Variants in LGR4 observed in about 807,000 individuals in gnomAD.
The protein encoded by LGR4 is leucine rich repeat containing G protein-coupled receptor 4.
LGR4 carries 44 observed loss-of-function variants against 84.8 expected under a neutral mutation model. That is an observed-to-expected ratio of 0.52 (90% CI 0.41 to 0.67). The LOEUF is 0.67. LGR4 is among the 30% of genes least tolerant of loss of function. The probability of loss-of-function intolerance (pLI) is 0.00; values close to 1 mark genes in which losing one functional copy is unlikely to be tolerated. For synonymous variants in LGR4, 429 were observed against 434.3 expected, an observed-to-expected ratio of 0.99 and a Z score of 0.15; for missense variants, 1,032 against 1,131.4, an observed-to-expected ratio of 0.91 and a Z score of 1.26.
At chr11:27,409,641 A>ATT (rs1863673488) in intron 2 of LGR4, among the ~76,000 whole-genome samples, 1 of 152,104 alleles carries the variant, frequency 6.6e-6, no homozygotes, top group Non-Finnish European at 1.5e-5. Context: ...ATGACCCTTC[A>ATT]TTATCTGGCC....
At chr11:27,426,144 A>G (rs1278280890) in intron 1 of LGR4, among the ~76,000 whole-genome samples, 1 of 152,248 alleles carries the variant, frequency 6.6e-6, no homozygotes, top group Non-Finnish European at 1.5e-5. Flanking sequence ...GCGGAAAGAA[A>G]GGGAAGACAT....
intron 1 of LGR4, among the ~76,000 whole-genome samples, chr11:27,432,806 G>A (rs979329314): frequency 2.0e-5 from 3 of 151,968 alleles, no homozygotes; most frequent in East Asian, 1.9e-4. Flanking sequence ...ATATTCTTCC[G>A]CTCTGGCTAG....
intron 6 of LGR4, 114 bp downstream of exon 6, chr11:27,384,222 T>C: frequency 1.5e-6 from 1 of 678,960 alleles, no homozygotes. Context: ...AGTATCAAAG[T>C]GAATTAATAA....
intron 1 of LGR4, 28 bp downstream of exon 1, chr11:27,472,090 C>CTA: frequency 7.8e-7 from 1 of 1,287,024 alleles, no homozygotes; most frequent in Non-Finnish European, 9.8e-7. Context: ...TCCTCCCCCC[C>CTA]CCTCGCGTCC....
intron 2 of LGR4, among the ~76,000 whole-genome samples, chr11:27,412,135 T>G (rs1863723239): frequency 6.6e-6 from 1 of 152,130 alleles, no homozygotes. Flanking sequence ...ATTTTGATTA[T>G]GGACTTCAAA....
At chr11:27,472,035 C>G (rs1184777066) in intron 1 of LGR4, 83 bp downstream of exon 1, 12 of 1,069,922 alleles carry the variant, frequency 1.1e-5, no homozygotes, top group African/African-American at 6.7e-5. Context: ...TGGGGTGGGA[C>G]TGACCCCTGG....
At chr11:27,463,094 A>T (rs1864713651) in intron 1 of LGR4, among the ~76,000 whole-genome samples, 1 of 135,028 alleles carries the variant, frequency 7.4e-6, no homozygotes, top group Admixed American at 7.6e-5. Flanking sequence ...AAAAAAAAAA[A>T]TACAAAAATT....
chr11:27,401,063 T>G (rs1863492128), intron 2 of LGR4, among the ~76,000 whole-genome samples: 1 of 152,196 alleles, frequency 6.6e-6, no homozygotes, highest in African/African-American at 2.4e-5. Flanking sequence ...TTTTATATGT[T>G]TTAAGAATAT....
chr11:27,405,985 A>G (rs2133391013), intron 2 of LGR4, among the ~76,000 whole-genome samples: 1 of 152,256 alleles, frequency 6.6e-6, no homozygotes, highest in East Asian at 1.9e-4. Flanking sequence ...GTCTGCCAAA[A>G]TGTCCTTAGT....
At chr11:27,434,769 C>T (rs1864178794) in intron 1 of LGR4, among the ~76,000 whole-genome samples, 1 of 152,134 alleles carries the variant, frequency 6.6e-6, no homozygotes, top group African/African-American at 2.4e-5. Flanking sequence ...TCAAGGTTGT[C>T]AACTTTTTTA....
chr11:27,391,233 GCCT>G, intron 3 of LGR4, 68 bp from the exon 4 acceptor site: 1 of 564,828 alleles, frequency 1.8e-6, no homozygotes, highest in Non-Finnish European at 2.8e-6. Context: ...AAAATTCAGA[GCCT>G]TTTTTTTTTT....
intron 2 of LGR4, among the ~76,000 whole-genome samples, chr11:27,411,847 G>A (rs1049050658): frequency 6.6e-6 from 1 of 152,066 alleles, no homozygotes; most frequent in Non-Finnish European, 1.5e-5. Context: ...GGGAGTGGCC[G>A]AGCTAAAAGA....
intron 4 of LGR4, among the ~76,000 whole-genome samples, chr11:27,389,254 G>A (rs1863237598): frequency 6.6e-6 from 1 of 151,992 alleles, no homozygotes; most frequent in South Asian, 2.1e-4. Flanking sequence ...AAAGAAAACA[G>A]GCCTGACACA....
intron 2 of LGR4, among the ~76,000 whole-genome samples, chr11:27,409,081 G>A (rs531277176): frequency 1.4e-4 from 22 of 152,120 alleles, no homozygotes; most frequent in African/African-American, 4.6e-4. Flanking sequence ...ATTGGAAAAA[G>A]AAGGAGGAAA....
chr11:27,431,784 G>A (rs1405870157), intron 1 of LGR4, among the ~76,000 whole-genome samples: 1 of 152,116 alleles, frequency 6.6e-6, no homozygotes, highest in Admixed American at 6.5e-5. Flanking sequence ...TCAGTCTCAG[G>A]CAGTAGAACA....
intron 7 of LGR4, 43 bp downstream of exon 7, chr11:27,382,145 T>C: frequency 2.3e-6 from 3 of 1,292,564 alleles, no homozygotes; most frequent in Non-Finnish European, 3.4e-6. Flanking sequence ...AAATGGTGAG[T>C]TTCAGGGATA....
chr11:27,450,329 A>G (rs1229539855), intron 1 of LGR4, among the ~76,000 whole-genome samples: 1 of 152,250 alleles, frequency 6.6e-6, no homozygotes, highest in Non-Finnish European at 1.5e-5. Flanking sequence ...TGGTACAATT[A>G]ATACTTTTCA....
chr11:27,415,544 C>T (rs1365077074), intron 1 of LGR4, among the ~76,000 whole-genome samples: 1 of 152,090 alleles, frequency 6.6e-6, no homozygotes, highest in African/African-American at 2.4e-5. Context: ...ATTAGTGAGA[C>T]TCCATATTTA....
chr11:27,387,584 C>A (rs1863210912), intron 4 of LGR4, among the ~76,000 whole-genome samples: 1 of 152,030 alleles, frequency 6.6e-6, no homozygotes, highest in African/African-American at 2.4e-5. Context: ...CAGCAACTCC[C>A]AGAAGGTTAA....
Sources: gnomAD v4.1 joint callset for allele counts (sites outside exome capture counted in the v4.1 genomes callset) on GRCh38, gnomAD v4.1.1 for gene constraint, MANE v1.5 for transcripts, NCBI Gene and HGNC (gene_info 2026-07-23, HGNC 2026-07-21) for gene names.